CDH8: variants seen among roughly 807,000 people sequenced by gnomAD.
The protein encoded by CDH8 is cadherin 8.
CDH8 carries 17 observed loss-of-function variants against 68.1 expected under a neutral mutation model. The observed-to-expected ratio is 0.25, with a 90% CI of 0.17 to 0.37. CDH8 has a LOEUF of 0.37. CDH8 is among the 10% of genes least tolerant of loss of function. The pLI is 1.00. For missense variants in CDH8, 763 were observed against 999.3 expected, an observed-to-expected ratio of 0.76 and a Z score of 3.19; for synonymous variants, 372 against 365.1, an observed-to-expected ratio of 1.02 and a Z score of -0.21.
intron 5 of CDH8, among the ~76,000 whole-genome samples, chr16:61,822,531 C>T (rs556957632): frequency 6.6e-6 from 1 of 151,890 alleles, no homozygotes; most frequent in South Asian, 2.1e-4. Context: ...TCATTATACT[C>T]AACATAACAG....
intron 7 of CDH8, among the ~76,000 whole-genome samples, chr16:61,816,335 C>A (rs2142999886): frequency 6.6e-6 from 1 of 152,126 alleles, no homozygotes; most frequent in Middle Eastern, 3.4e-3. Flanking sequence ...GTCTCAGCAC[C>A]CTTGTGAGTA....
intron 2 of CDH8, among the ~76,000 whole-genome samples, chr16:62,008,439 TG>T (rs1264137669): frequency 1.3e-5 from 2 of 152,136 alleles, no homozygotes; most frequent in Non-Finnish European, 2.9e-5. Context: ...AGCTTTTTTT[TG>T]CTTGTGTCTT....
At chr16:62,002,957 G>T (rs1433230410) in intron 2 of CDH8, among the ~76,000 whole-genome samples, 1 of 152,284 alleles carries the variant, frequency 6.6e-6, no homozygotes, top group East Asian at 1.9e-4. Flanking sequence ...GGAAGCTGAG[G>T]CGGGAGAATG....
chr16:61,999,060 A>G (rs1965851717), intron 2 of CDH8, among the ~76,000 whole-genome samples: 1 of 152,210 alleles, frequency 6.6e-6, no homozygotes, highest in South Asian at 2.1e-4. Flanking sequence ...GAGAATTTAA[A>G]TGATTAGTGA....
intron 3 of CDH8, among the ~76,000 whole-genome samples, chr16:61,866,678 C>G (rs1010481930): frequency 3.3e-5 from 5 of 151,966 alleles, no homozygotes; most frequent in Non-Finnish European, 7.4e-5. Flanking sequence ...ACTTAACACC[C>G]TTACACAGGA....
intron 10 of CDH8, among the ~76,000 whole-genome samples, chr16:61,706,558 C>T (rs1337819399): frequency 6.9e-6 from 1 of 145,518 alleles, no homozygotes; most frequent in Non-Finnish European, 1.5e-5. Context: ...GAAGCGGAGC[C>T]TGCAGTGAGC....
chr16:61,949,812 T>A (rs1478307275), intron 2 of CDH8, among the ~76,000 whole-genome samples: 2 of 151,816 alleles, frequency 1.3e-5, no homozygotes, highest in African/African-American at 2.4e-5. Context: ...CAAAACCCCA[T>A]CTCTACTAAA....
chr16:61,686,968 T>G (rs2142819151), intron 10 of CDH8, among the ~76,000 whole-genome samples: 1 of 151,778 alleles, frequency 6.6e-6, no homozygotes, highest in African/African-American at 2.4e-5. Context: ...AACCATAGGG[T>G]TTAAAAAGGG....
At chr16:61,928,275 A>C (rs990528617) in intron 2 of CDH8, among the ~76,000 whole-genome samples, 3 of 152,246 alleles carry the variant, frequency 2.0e-5, no homozygotes, top group African/African-American at 7.2e-5. Context: ...ACACTTCACG[A>C]TGAATACTGT....
chr16:61,916,021 AC>A (rs1397641513), intron 2 of CDH8, among the ~76,000 whole-genome samples: 2 of 152,096 alleles, frequency 1.3e-5, no homozygotes, highest in Non-Finnish European at 2.9e-5. Flanking sequence ...CACAGATAAA[AC>A]CTTTCTTTGC....
chr16:61,929,371 C>T (rs1351760858), intron 2 of CDH8, among the ~76,000 whole-genome samples: 1 of 152,082 alleles, frequency 6.6e-6, no homozygotes, highest in Non-Finnish European at 1.5e-5. Flanking sequence ...TTTCTCTTAA[C>T]CATGTGACCA....
chr16:61,760,029 C>T (rs1013194796), intron 8 of CDH8, among the ~76,000 whole-genome samples: 1 of 151,966 alleles, frequency 6.6e-6, no homozygotes, highest in African/African-American at 2.4e-5. Flanking sequence ...ACACACCCCC[C>T]ACCCCAACCC....
chr16:61,835,563 G>A (rs1254962214), intron 4 of CDH8, among the ~76,000 whole-genome samples: 1 of 151,850 alleles, frequency 6.6e-6, no homozygotes, highest in Non-Finnish European at 1.5e-5. Context: ...AATGACTGAT[G>A]CTACCTAAAT....
intron 2 of CDH8, among the ~76,000 whole-genome samples, chr16:61,996,393 C>A (rs1965805015): frequency 6.6e-6 from 1 of 152,162 alleles, no homozygotes; most frequent in African/African-American, 2.4e-5. Context: ...CAACCTCTAA[C>A]CAGGTGAAGC....
At chr16:61,737,803 T>C (rs1959740909) in intron 8 of CDH8, among the ~76,000 whole-genome samples, 1 of 152,266 alleles carries the variant, frequency 6.6e-6, no homozygotes, top group Admixed American at 6.5e-5. Context: ...GTGGTTCAAA[T>C]GCAGACTTTT....
At chr16:61,900,126 CA>C (rs1285388215) in intron 3 of CDH8, among the ~76,000 whole-genome samples, 1 of 152,066 alleles carries the variant, frequency 6.6e-6, no homozygotes, top group Non-Finnish European at 1.5e-5. Flanking sequence ...GGTTCTTGAT[CA>C]TATTTCTTTT....
chr16:61,867,631 T>G (rs535337296), intron 3 of CDH8, among the ~76,000 whole-genome samples: 1 of 152,242 alleles, frequency 6.6e-6, no homozygotes, highest in African/African-American at 2.4e-5. Context: ...GAATGGAAAG[T>G]TAGTAAAGGG....
intron 3 of CDH8, among the ~76,000 whole-genome samples, chr16:61,887,131 G>A (rs74023282): frequency 0.024 from 3,641 of 152,114 alleles, 145 homozygotes; most frequent in African/African-American, 0.083. Flanking sequence ...TAAACAGATT[G>A]TCCATGAACA....
At position 61,862,313 on chromosome 16, in the gene CDH8, G is replaced by A. The variant is rs1009655107; in HGVS notation, c.548-5075C>T. 2.0e-5 allele frequency among the ~76,000 whole-genome samples: 3 copies of A among 152,124 alleles called. No individual in the cohort carries two copies. The East Asian group carries it at 5.8e-4, about 29-fold the overall frequency. The stretch of plus-strand genomic sequence containing the variant: ...TATGTAAAAGCTTATACATTAAGCA[G>A]GAGGCTAGACACCGGGCACATCATC... On this transcript the variant is annotated intron_variant, in intron 3 of 11. Transcript: ENST00000577390.
Sources: gnomAD v4.1 joint callset for allele counts (sites outside exome capture counted in the v4.1 genomes callset) on GRCh38, gnomAD v4.1.1 for gene constraint, MANE v1.5 for transcripts, NCBI Gene and HGNC (gene_info 2026-07-23, HGNC 2026-07-21) for gene names.